CDC42BPA: variants seen among roughly 807,000 people sequenced by gnomAD.
The protein encoded by CDC42BPA is serine/threonine-protein kinase MRCK alpha.
In CDC42BPA, 80 loss-of-function variants were observed where a neutral mutation model predicts 223.5. The ratio of observed to expected loss-of-function variants is 0.36; its 90% confidence interval spans 0.30 to 0.43. The LOEUF (loss-of-function observed/expected upper bound fraction) is 0.43. Among genes scored for constraint, CDC42BPA ranks in the 20% least tolerant of loss-of-function variants. CDC42BPA has a pLI of 1.00. For synonymous variants in CDC42BPA, 694 were observed against 718.6 expected (o/e 0.97, Z 0.55); for missense variants, 1,743 against 2,099.9 (o/e 0.83, Z 3.32).
intron 1 of CDC42BPA, among the ~76,000 whole-genome samples, chr1:227,310,682 T>G (rs192022714): frequency 1.5e-3 from 207 of 137,680 alleles, no homozygotes; most frequent in African/African-American, 5.2e-3. Flanking sequence ...GAGTTTTTTT[T>G]TTTGTTTTTT....
chr1:227,001,913 A>C (rs1020303330), intron 35 of CDC42BPA, among the ~76,000 whole-genome samples: 33 of 152,074 alleles, frequency 2.2e-4, no homozygotes, highest in African/African-American at 7.5e-4. Context: ...TCTCAAAAAA[A>C]ACAAAAACAA....
chr1:227,002,484 A>T (rs1317980462), intron 35 of CDC42BPA, among the ~76,000 whole-genome samples: 1 of 152,212 alleles, frequency 6.6e-6, no homozygotes, highest in Non-Finnish European at 1.5e-5. Flanking sequence ...AGCATGCTCT[A>T]TGTCTGTAGC....
rs1558689253 is a variant in CDC42BPA at position 227,179,659 on chromosome 1, A to AAG, written c.599+14125_599+14126dup. ...TCAAAAAAAAAAAAAAAAAAAAAAA[A>AAG]AGCTATTTTAAAAGACTATTTACAA... On this transcript the variant is annotated intron_variant, in intron 5 of 36. Transcript: ENST00000366766. 8.2e-4 allele frequency among the ~76,000 whole-genome samples: 120 copies of AAG among 146,952 alleles called. 3 individuals are homozygous for AAG. Among genetic ancestry groups the AAG allele is most frequent in the African/African-American group, 2.9e-3 (111 of 38,080 alleles).
chr1:227,133,996 T>TAAATAAATAAATAAATAAAA (rs1167807097), intron 10 of CDC42BPA, among the ~76,000 whole-genome samples: 26 of 151,560 alleles, frequency 1.7e-4, no homozygotes, highest in Admixed American at 5.9e-4. Context: ...AATAAATAAA[T>TAAATAAATAAATAAATAAAA]AAAAAAGAAA....
intron 20 of CDC42BPA, 63 bp from the exon 21 acceptor site, chr1:227,069,916 C>G (rs1677924514): frequency 4.6e-6 from 5 of 1,085,658 alleles, no homozygotes; most frequent in African/African-American, 1.6e-5. Context: ...AATGGATAAC[C>G]TTCCCTGTCT....
chr1:227,036,775 T>C (rs1485835997), intron 24 of CDC42BPA, among the ~76,000 whole-genome samples: 1 of 152,148 alleles, frequency 6.6e-6, no homozygotes, highest in Admixed American at 6.5e-5. Context: ...ATGATTTGTT[T>C]TACTTACAAG....
chr1:227,176,085 TG>T (rs1421367957), intron 5 of CDC42BPA, among the ~76,000 whole-genome samples: 1 of 152,140 alleles, frequency 6.6e-6, no homozygotes. Flanking sequence ...CTTGAGTAGC[TG>T]GGACTACAGG....
At chr1:227,133,946 C>G (rs1422589731) in intron 10 of CDC42BPA, among the ~76,000 whole-genome samples, 1 of 116,382 alleles carries the variant, frequency 8.6e-6, no homozygotes, top group African/African-American at 3.1e-5. Flanking sequence ...CGAGAAACAC[C>G]CAAGAATGAT....
chr1:227,119,587 CAA>C, intron 12 of CDC42BPA, among the ~76,000 whole-genome samples: 1 of 152,042 alleles, frequency 6.6e-6, no homozygotes, highest in Non-Finnish European at 1.5e-5. Flanking sequence ...TCTAAAAGAA[CAA>C]AAGATTCTGA....
rs1270528461 is a variant in CDC42BPA at position 227,033,548 on chromosome 1, AT to A, written c.3477-134del. 5 of 610,882 alleles carry A rather than the reference AT, an allele frequency of 8.2e-6. No homozygotes were observed. In the Admixed American group the frequency reaches 8.5e-5, roughly 10 times the overall value. 37.8% of individuals were successfully genotyped at this position (610,882 alleles called of 1,614,324 possible). A position where few individuals can be genotyped will look rare whatever the true frequency, so the allele number is the denominator to read the frequency against. On this transcript the variant is annotated intron_variant, in intron 26 of 36. Transcript: ENST00000366766. ...CAAATTTAATTTTTTAAAAAAATTA[AT>A]TTTCCCCCATTGTAATTAATAGTGC...
chr1:227,274,861 G>A (rs886540801), intron 1 of CDC42BPA, among the ~76,000 whole-genome samples: 10 of 152,134 alleles, frequency 6.6e-5, no homozygotes, highest in Non-Finnish European at 1.0e-4. Flanking sequence ...CAATTCATCA[G>A]GAAAACACAG....
chr1:227,014,654 T>G (rs1665862799), intron 34 of CDC42BPA, among the ~76,000 whole-genome samples: 1 of 152,186 alleles, frequency 6.6e-6, no homozygotes. Flanking sequence ...GTTTATATCT[T>G]CTATCACTGT....
intron 21 of CDC42BPA, among the ~76,000 whole-genome samples, chr1:227,052,310 T>C (rs1412135418): frequency 6.6e-6 from 1 of 152,144 alleles, no homozygotes; most frequent in East Asian, 1.9e-4. Flanking sequence ...AAAGGAATCA[T>C]ACATGTGAAA....
rs567527470 is a variant in CDC42BPA, at chr1:227,059,691, G to C, written c.2905-7706C>G. On this transcript the variant is annotated intron_variant, in intron 21 of 36. Transcript: ENST00000366766. ...CAAGTGATAGACAATTTCTTTTCTGGAAAGGTTGGCAGTAGCAGACTGGAA... is the reference window on the plus strand; with the variant it reads ...CAAGTGATAGACAATTTCTTTTCTGCAAAGGTTGGCAGTAGCAGACTGGAA... Among the ~76,000 whole-genome samples, 14 of 152,238 alleles carry C rather than the reference G, an allele frequency of 9.2e-5. No individual in the cohort carries two copies. The South Asian group carries it at 2.7e-3, about 29-fold the overall frequency.
At chr1:227,255,938 T>C (rs1356433907) in intron 1 of CDC42BPA, among the ~76,000 whole-genome samples, 5 of 151,912 alleles carry the variant, frequency 3.3e-5, no homozygotes, top group African/African-American at 4.8e-5. Context: ...ATTACAGAAA[T>C]AGAAAAACTC....
chr1:227,100,767 TGTGTGTGTGTGC>T (rs1192829918), intron 15 of CDC42BPA, among the ~76,000 whole-genome samples: 36 of 147,354 alleles, frequency 2.4e-4, no homozygotes, highest in Admixed American at 1.0e-3. Context: ...TGTGTGTGTG[TGTGTGTGTGTGC>T]GTGTGCCATC....
At chr1:227,153,053 A>T (rs1247883196) in intron 6 of CDC42BPA, among the ~76,000 whole-genome samples, 1 of 152,002 alleles carries the variant, frequency 6.6e-6, no homozygotes, top group Non-Finnish European at 1.5e-5. Context: ...CAGCAAAGCT[A>T]CAAAAGAGCT....
At position 226,994,380 on chromosome 1, in the gene CDC42BPA, T is replaced by G; in HGVS notation, c.5153A>C (p.His1718Pro). Reference sequence around the variant, plus strand: ...GTTGGAACTGTTGGAAGCTGTGGAATGCCTCGGAGAGTCAGAGTCCTGTAA... The same window carrying G: ...GTTGGAACTGTTGGAAGCTGTGGAAGGCCTCGGAGAGTCAGAGTCCTGTAA... ...FDGEDSDSPR[H>P]STASNSSNLS... Residue 1718 changes from histidine (H) to proline (P), a missense_variant, in exon 37 of 37, where the codon CAT (histidine) becomes CCT (proline). Coordinates refer to ENST00000366766, the MANE Select transcript of CDC42BPA (RefSeq NM_001394014.1). This position sits in a 1 kb window ranked among gnomAD's most constrained non-coding sequence, Gnocchi z 4.0. 6.4e-7 allele frequency: 1 copy of G among 1,572,006 alleles called. No individual in the cohort carries two copies. The highest frequency in any genetic ancestry group is 8.6e-7 in the Non-Finnish European group (1 of 1,157,474).
intron 2 of CDC42BPA, among the ~76,000 whole-genome samples, chr1:227,220,995 A>C (rs116647640): frequency 2.6e-5 from 4 of 152,140 alleles, no homozygotes; most frequent in African/African-American, 9.7e-5. Context: ...TGCTTTTTCC[A>C]CTTGCTCATC....
Sources: allele counts gnomAD v4.1 joint callset (sites outside exome capture counted in the v4.1 genomes callset), GRCh38; gene constraint gnomAD v4.1.1; non-coding constraint Gnocchi (gnomAD v3.1); transcripts MANE v1.5; gene names NCBI Gene and HGNC (gene_info 2026-07-23, HGNC 2026-07-21).